MBNL1: variants seen among roughly 807,000 people sequenced by gnomAD.
MBNL1 encodes the protein muscleblind like splicing regulator 1.
MBNL1 carries 8 observed loss-of-function variants against 42.2 expected under a neutral mutation model. The observed-to-expected ratio is 0.19, with a 90% CI of 0.11 to 0.34. MBNL1 has a LOEUF of 0.34. Among genes scored for constraint, MBNL1 ranks in the 10% least tolerant of loss-of-function variants. The pLI is 1.00. For synonymous variants in MBNL1, 169 were observed against 173.9 expected (o/e 0.97, Z 0.22); for missense variants, 309 against 495.3 (o/e 0.62, Z 3.57).
chr3:152,350,932 T>G (rs73009939), intron 2 of MBNL1, among the ~76,000 whole-genome samples: 2,413 of 152,272 alleles, frequency 0.016, 54 homozygotes, highest in African/African-American at 0.055. Flanking sequence ...CCGAAGTCAG[T>G]GCTCTTAGGG....
chr3:152,392,773 A>C (rs1301472896), intron 2 of MBNL1, among the ~76,000 whole-genome samples: 1 of 152,222 alleles, frequency 6.6e-6, no homozygotes, highest in Non-Finnish European at 1.5e-5. Context: ...TGGCAATACA[A>C]ACACGTTCTT....
intron 2 of MBNL1, among the ~76,000 whole-genome samples, chr3:152,395,267 A>G (rs953177887): frequency 6.6e-6 from 1 of 152,226 alleles, no homozygotes; most frequent in Admixed American, 6.5e-5. Flanking sequence ...TGTAGCAGAC[A>G]TGTTATTGCT....
chr3:152,373,335 G>T (rs2096755055), intron 2 of MBNL1, among the ~76,000 whole-genome samples: 1 of 138,678 alleles, frequency 7.2e-6, no homozygotes, highest in African/African-American at 2.7e-5. Context: ...GTGTCACTGG[G>T]GTATGGAAAA....
intron 2 of MBNL1, among the ~76,000 whole-genome samples, chr3:152,390,627 A>G (rs1462439178): frequency 6.6e-6 from 1 of 151,696 alleles, no homozygotes; most frequent in Non-Finnish European, 1.5e-5. Flanking sequence ...ACACACACAC[A>G]CACACACACA....
chr3:152,282,013 G>C lies in MBNL1; in HGVS notation c.-790+12921G>C, dbSNP rs368075613. On this transcript the variant is annotated intron_variant, in intron 1 of 9. Coordinates refer to ENST00000324210, the MANE Select transcript of MBNL1 (RefSeq NM_021038.5). ...GTGTCTATATATATATTCCATAAAT[G>C]ATTGTGAAGTGGTACACAAGTTGTA... Among the ~76,000 whole-genome samples, 71 of 152,170 alleles carry C rather than the reference G, an allele frequency of 4.7e-4. 2 individuals carry two copies. In the South Asian group the frequency reaches 0.014, roughly 31 times the overall value.
At chr3:152,260,673 T>C (rs1012441355) in intron 2 of MBNL1, among the ~76,000 whole-genome samples, 1 of 152,146 alleles carries the variant, frequency 6.6e-6, no homozygotes, top group African/African-American at 2.4e-5. Flanking sequence ...AGAGACAGGG[T>C]ATAGAATTTT....
chr3:152,411,452 G>A (rs973448731), intron 2 of MBNL1, among the ~76,000 whole-genome samples: 3 of 152,114 alleles, frequency 2.0e-5, no homozygotes, highest in African/African-American at 4.8e-5. Context: ...CCCAGGAGGC[G>A]GAGCTTGCAG....
chr3:152,401,980 C>G (rs573255017), intron 2 of MBNL1, among the ~76,000 whole-genome samples: 1 of 149,010 alleles, frequency 6.7e-6, no homozygotes. Flanking sequence ...TGCAGTGAGC[C>G]GAGATCGCGC....
At chr3:152,399,514 A>AT (rs1560444572) in intron 2 of MBNL1, among the ~76,000 whole-genome samples, 4 of 151,050 alleles carry the variant, frequency 2.6e-5, no homozygotes, top group Admixed American at 6.6e-5. Context: ...TTATTTAATT[A>AT]ATTATTTTTT....
At chr3:152,271,330 A>G (rs1459619367) in intron 1 of MBNL1, among the ~76,000 whole-genome samples, 1 of 152,218 alleles carries the variant, frequency 6.6e-6, no homozygotes, top group Non-Finnish European at 1.5e-5. Flanking sequence ...GGGAAAAAAA[A>G]AGAGTAAAAT....
chr3:152,396,199 AG>A, intron 2 of MBNL1: 1 of 365,662 alleles, frequency 2.7e-6, no homozygotes, highest in Non-Finnish European at 5.6e-6. Flanking sequence ...AAACAAGCTC[AG>A]GGCTCCCACT....
intron 2 of MBNL1, among the ~76,000 whole-genome samples, chr3:152,304,541 C>A (rs2062084243): frequency 6.6e-6 from 1 of 152,138 alleles, no homozygotes; most frequent in Admixed American, 6.6e-5. Context: ...TGGTATCTCC[C>A]ATGTATTAAA....
chr3:152,423,285 A>G (rs974742457), intron 3 of MBNL1, among the ~76,000 whole-genome samples: 27 of 152,250 alleles, frequency 1.8e-4, no homozygotes, highest in African/African-American at 6.0e-4. Context: ...AACTACCAGC[A>G]GAGAATACTA....
intron 5 of MBNL1, among the ~76,000 whole-genome samples, chr3:152,446,409 TCTC>T (rs979550487): frequency 2.0e-4 from 30 of 150,680 alleles, no homozygotes; most frequent in African/African-American, 6.5e-4. Flanking sequence ...AGGCAGACTC[TCTC>T]CTCCTCTCTT....
intron 6 of MBNL1, among the ~76,000 whole-genome samples, chr3:152,453,118 GTTAAC>G (rs1211761588): frequency 1.2e-4 from 18 of 151,958 alleles, no homozygotes; most frequent in African/African-American, 3.4e-4. Flanking sequence ...CCAACTGATT[GTTAAC>G]TTTTAGTCTT....
At chr3:152,384,853 A>G (rs969108485) in intron 2 of MBNL1, among the ~76,000 whole-genome samples, 2 of 152,102 alleles carry the variant, frequency 1.3e-5, no homozygotes, top group African/African-American at 4.8e-5. Context: ...ACTTTGTACC[A>G]TTAGATAGGC....
At chr3:152,281,461 A>G (rs143594567) in intron 1 of MBNL1, among the ~76,000 whole-genome samples, 12 of 152,212 alleles carry the variant, frequency 7.9e-5, no homozygotes, top group African/African-American at 2.9e-4. Flanking sequence ...AGAGCAGACT[A>G]TGGAATGGAC....
chr3:152,383,912 C>T (rs1349718669), intron 2 of MBNL1, among the ~76,000 whole-genome samples: 2 of 151,986 alleles, frequency 1.3e-5, no homozygotes, highest in Non-Finnish European at 2.9e-5. Flanking sequence ...CTATATTGTA[C>T]TCATGGCACC....
intron 4 of MBNL1, among the ~76,000 whole-genome samples, chr3:152,440,283 A>G (rs983573828): frequency 6.6e-6 from 1 of 152,212 alleles, no homozygotes; most frequent in African/African-American, 2.4e-5. Flanking sequence ...AACCAAATGT[A>G]TTAGTCCATT....
Sources: allele counts gnomAD v4.1 joint callset (sites outside exome capture counted in the v4.1 genomes callset), GRCh38; gene constraint gnomAD v4.1.1; transcripts MANE v1.5; gene names NCBI Gene and HGNC (gene_info 2026-07-23, HGNC 2026-07-21).